Variants in SHISAL2B observed in about 807,000 individuals in gnomAD.
SHISAL2B encodes the protein protein shisa-like-2B.
In SHISAL2B, 12 loss-of-function variants were observed where a neutral mutation model predicts 16.5. That is an observed-to-expected ratio of 0.73 (90% CI 0.47 to 1.18). SHISAL2B has a LOEUF of 1.18. SHISAL2B is among the 50% of genes most tolerant of loss of function. The pLI, the probability that SHISAL2B is intolerant of heterozygous loss-of-function variation, is 0.00. For missense variants in SHISAL2B, 183 were observed against 193.6 expected (o/e 0.95, Z 0.33); for synonymous variants, 72 against 75.0 (o/e 0.96, Z 0.21).
intron 2 of SHISAL2B, among the ~76,000 whole-genome samples, chr5:64,704,990 G>A (rs1741856604): frequency 6.6e-6 from 1 of 152,132 alleles, no homozygotes; most frequent in Non-Finnish European, 1.5e-5. Context: ...GTGTTATGGT[G>A]TTTATAACAC....
intron 2 of SHISAL2B, among the ~76,000 whole-genome samples, chr5:64,714,322 G>A (rs1742003973): frequency 7.0e-6 from 1 of 142,542 alleles, no homozygotes; most frequent in Admixed American, 6.8e-5. Flanking sequence ...GTGTGCCCCT[G>A]CTGGGGGGTG....
chr5:64,707,033 TAC>T (rs1228919487), intron 2 of SHISAL2B, among the ~76,000 whole-genome samples: 8 of 152,186 alleles, frequency 5.3e-5, no homozygotes, highest in Non-Finnish European at 1.2e-4. Flanking sequence ...ATAACAGGTG[TAC>T]TATAGCTCAT....
chr5:64,695,676 C>G lies in SHISAL2B; in HGVS notation c.349+12C>G. On this transcript the variant is annotated intron_variant, in intron 2 of 2. Coordinates refer to ENST00000389074, the MANE Select transcript of SHISAL2B (RefSeq NM_001164442.2). Reference sequence around the variant, plus strand: ...TTCCACTCAAGAAGGTAATCAGTATCTATTATTTGTTACCAATTACCTGAA... The same window carrying G: ...TTCCACTCAAGAAGGTAATCAGTATGTATTATTTGTTACCAATTACCTGAA... 1 of 1,500,604 alleles carries G rather than the reference C, an allele frequency of 6.7e-7. No homozygotes were observed. The highest frequency in any genetic ancestry group is 8.9e-7 in the Non-Finnish European group (1 of 1,126,522). 93.0% of individuals were successfully genotyped at this position (1,500,604 alleles called of 1,614,324 possible).
chr5:64,693,209 A>T (rs59167602), intron 1 of SHISAL2B, among the ~76,000 whole-genome samples: 2 of 151,870 alleles, frequency 1.3e-5, no homozygotes, highest in South Asian at 2.1e-4. Context: ...GGGTTTCACC[A>T]TGTTAGCCAG....
At chr5:64,705,566 A>G (rs1469235764) in intron 2 of SHISAL2B, among the ~76,000 whole-genome samples, 1 of 152,234 alleles carries the variant, frequency 6.6e-6, no homozygotes, top group African/African-American at 2.4e-5. Context: ...CAGATAATAC[A>G]AAACTAATTT....
chr5:64,696,360 GAA>G (rs1741734727), intron 2 of SHISAL2B, among the ~76,000 whole-genome samples: 1 of 152,166 alleles, frequency 6.6e-6, no homozygotes, highest in Non-Finnish European at 1.5e-5. Context: ...TGAACAATAT[GAA>G]ATCAGTGCAC....
intron 2 of SHISAL2B, among the ~76,000 whole-genome samples, chr5:64,702,359 C>T (rs1741821413): frequency 6.6e-6 from 1 of 152,044 alleles, no homozygotes; most frequent in African/African-American, 2.4e-5. Flanking sequence ...AGCCACCACG[C>T]CAGGCTAATT....
intron 2 of SHISAL2B, among the ~76,000 whole-genome samples, chr5:64,696,873 C>A (rs180720980): frequency 6.6e-6 from 1 of 152,208 alleles, no homozygotes; most frequent in African/African-American, 2.4e-5. Context: ...GCCTTATGAT[C>A]TTTGTTGGCT....
At chr5:64,693,197 C>G (rs189585393) in intron 1 of SHISAL2B, among the ~76,000 whole-genome samples, 8 of 151,774 alleles carry the variant, frequency 5.3e-5, no homozygotes, top group Admixed American at 3.9e-4. Flanking sequence ...TTAGTAGAGA[C>G]GGGGTTTCAC....
chr5:64,690,922 G>T, intron 1 of SHISAL2B, 108 bp downstream of exon 1: 3 of 1,006,704 alleles, frequency 3.0e-6, no homozygotes, highest in Middle Eastern at 5.5e-4. Context: ...CCCGCTATCC[G>T]CCCTAGGTTA....
At chr5:64,714,716 A>G (rs1334859972) in intron 2 of SHISAL2B, among the ~76,000 whole-genome samples, 2 of 152,068 alleles carry the variant, frequency 1.3e-5, no homozygotes, top group South Asian at 4.2e-4. Context: ...GGACCCTCTG[A>G]GCCAGGTGTG....
At chr5:64,699,829 A>G (rs1255226425) in intron 2 of SHISAL2B, among the ~76,000 whole-genome samples, 1 of 152,188 alleles carries the variant, frequency 6.6e-6, no homozygotes, top group Non-Finnish European at 1.5e-5. Context: ...TTTCCATAGT[A>G]TATCTTTATT....
intron 2 of SHISAL2B, among the ~76,000 whole-genome samples, chr5:64,703,278 A>G (rs971630292): frequency 1.3e-5 from 2 of 152,206 alleles, no homozygotes; most frequent in African/African-American, 2.4e-5. Flanking sequence ...TTTCAGAAAG[A>G]TTTTAAAGGA....
intron 2 of SHISAL2B, among the ~76,000 whole-genome samples, chr5:64,697,714 A>C (rs1741758123): frequency 1.3e-5 from 2 of 152,204 alleles, no homozygotes. Context: ...TGTATTTAGA[A>C]TGACACACAA....
At chr5:64,699,272 T>C (rs889582122) in intron 2 of SHISAL2B, among the ~76,000 whole-genome samples, 1 of 152,242 alleles carries the variant, frequency 6.6e-6, no homozygotes, top group Non-Finnish European at 1.5e-5. Context: ...GAGGTGATTT[T>C]GGTCTCTTGC....
At chr5:64,712,715 G>T (rs1296947389) in intron 2 of SHISAL2B, among the ~76,000 whole-genome samples, 13 of 151,988 alleles carry the variant, frequency 8.6e-5, no homozygotes, top group East Asian at 1.9e-4. Flanking sequence ...TTATGAATCT[G>T]GGTGCTCCTG....
intron 2 of SHISAL2B, among the ~76,000 whole-genome samples, chr5:64,703,758 C>G (rs1741841950): frequency 6.6e-6 from 1 of 152,160 alleles, no homozygotes. Flanking sequence ...ACTACAACTG[C>G]CTCCACTCAT....
chr5:64,708,570 C>G (rs950848116), intron 2 of SHISAL2B, among the ~76,000 whole-genome samples: 1 of 152,094 alleles, frequency 6.6e-6, no homozygotes, highest in African/African-American at 2.4e-5. Context: ...CATACAATGC[C>G]TGATTTTTTA....
At chr5:64,704,240 T>C (rs1741847283) in intron 2 of SHISAL2B, among the ~76,000 whole-genome samples, 1 of 152,228 alleles carries the variant, frequency 6.6e-6, no homozygotes, top group South Asian at 2.1e-4. Flanking sequence ...CAACATTCTT[T>C]TGATATTTTG....
Sources: gnomAD v4.1 joint callset for allele counts (sites outside exome capture counted in the v4.1 genomes callset) on GRCh38, gnomAD v4.1.1 for gene constraint, MANE v1.5 for transcripts, NCBI Gene and HGNC (gene_info 2026-07-23, HGNC 2026-07-21) for gene names.